The following DLGAP2 variants were observed in gnomAD, a reference collection of about 807,000 sequenced individuals.
DLGAP2 encodes disks large-associated protein 2.
Under a neutral mutation model 100.3 loss-of-function variants are expected in DLGAP2, and 26 were observed. The observed-to-expected ratio is 0.26, with a 90% CI of 0.19 to 0.36. The LOEUF (loss-of-function observed/expected upper bound fraction) is 0.36, where lower values mean the gene tolerates loss of function less well. Among genes scored for constraint, DLGAP2 ranks in the 10% least tolerant of loss-of-function variants. The pLI, the probability that DLGAP2 is intolerant of heterozygous loss-of-function variation, is 1.00. For synonymous variants in DLGAP2, 886 were observed against 630.1 expected, an observed-to-expected ratio of 1.41 and a Z score of -6.08; for missense variants, 1,858 against 1,453.2, an observed-to-expected ratio of 1.28 and a Z score of -4.53.
In DLGAP2 at chr8:953,182, A is replaced by C. The variant is rs866385011; in HGVS notation, c.73+45216A>C. Among the ~76,000 whole-genome samples, 4 of 152,166 alleles carry C rather than the reference A, an allele frequency of 2.6e-5. No homozygotes were observed. The South Asian group carries it at 8.3e-4, about 32-fold the overall frequency. On this transcript the variant is annotated intron_variant, in intron 2 of 14. Transcript: ENST00000637795. ...TTAAATACAGATATTCGAAATTTCT[A>C]TGTTTCTTTTTTTTCTTTTTTCTTT...
chr8:1,559,048 T>G (rs1436984679), intron 5 of DLGAP2, among the ~76,000 whole-genome samples: 1 of 152,218 alleles, frequency 6.6e-6, no homozygotes, highest in Non-Finnish European at 1.5e-5. Context: ...AGAAAAGATA[T>G]TCCAGTTTGT....
At chr8:1,544,841 T>C (rs1801480802) in intron 4 of DLGAP2, among the ~76,000 whole-genome samples, 1 of 152,030 alleles carries the variant, frequency 6.6e-6, no homozygotes, top group African/African-American at 2.4e-5. Flanking sequence ...CAAGCGATTC[T>C]CCTGCATCAG....
At chr8:941,252 A>G (rs1158703415) in intron 2 of DLGAP2, among the ~76,000 whole-genome samples, 4 of 152,046 alleles carry the variant, frequency 2.6e-5, no homozygotes, top group African/African-American at 9.7e-5. Flanking sequence ...GTCTGGTTTT[A>G]GCATAGACTG....
intron 2 of DLGAP2, among the ~76,000 whole-genome samples, chr8:1,003,975 A>G (rs951408833): frequency 9.9e-5 from 15 of 152,272 alleles, no homozygotes; most frequent in Admixed American, 7.9e-4. Context: ...AGTGCCAGGA[A>G]TATATTTATT....
intron 3 of DLGAP2, chr8:1,380,997 A>G (rs1382844498): frequency 6.7e-6 from 1 of 149,874 alleles, no homozygotes; most frequent in Non-Finnish European, 1.5e-5. Context: ...GTTATTCTTT[A>G]CATTTGATAT....
At chr8:1,633,845 C>T (rs1398239629) in intron 8 of DLGAP2, among the ~76,000 whole-genome samples, 2 of 152,068 alleles carry the variant, frequency 1.3e-5, no homozygotes, top group Non-Finnish European at 2.9e-5. Flanking sequence ...AAGGACAGCT[C>T]CGAGGGGAAA....
intron 2 of DLGAP2, among the ~76,000 whole-genome samples, chr8:1,066,724 AC>A (rs1227315846): frequency 2.6e-5 from 4 of 152,208 alleles, no homozygotes; most frequent in African/African-American, 9.6e-5. Flanking sequence ...CTCCACCACG[AC>A]TGGCCTGTCT....
At chr8:1,482,718 T>C (rs1385349772) in intron 3 of DLGAP2, among the ~76,000 whole-genome samples, 3 of 152,194 alleles carry the variant, frequency 2.0e-5, no homozygotes, top group Non-Finnish European at 4.4e-5. Context: ...TGGGATGCGC[T>C]TCCTTCCACA....
At chr8:831,573 C>G (rs1161664155) in intron 1 of DLGAP2, among the ~76,000 whole-genome samples, 1 of 152,148 alleles carries the variant, frequency 6.6e-6, no homozygotes, top group Non-Finnish European at 1.5e-5. Context: ...GCATAATATT[C>G]CATGGTGTAT....
intron 2 of DLGAP2, among the ~76,000 whole-genome samples, chr8:1,029,512 G>A (rs749464683): frequency 8.6e-5 from 13 of 152,036 alleles, no homozygotes; most frequent in African/African-American, 2.2e-4. Context: ...GGCGTCCAGC[G>A]GTGCCGAGAG....
intron 3 of DLGAP2, among the ~76,000 whole-genome samples, chr8:1,390,312 G>C (rs536215992): frequency 6.6e-6 from 1 of 152,140 alleles, no homozygotes; most frequent in Non-Finnish European, 1.5e-5. Context: ...TGGTGTGCTT[G>C]TATCTTTACA....
intron 1 of DLGAP2, among the ~76,000 whole-genome samples, chr8:820,359 T>G (rs1047757283): frequency 2.4e-4 from 36 of 152,236 alleles, no homozygotes; most frequent in Non-Finnish European, 8.8e-5. Flanking sequence ...CACATGCATA[T>G]GAAACCCTTC....
chr8:1,538,283 C>T (rs1309290928), intron 4 of DLGAP2, among the ~76,000 whole-genome samples: 1 of 152,174 alleles, frequency 6.6e-6, no homozygotes, highest in Non-Finnish European at 1.5e-5. Context: ...ATAGTGTGTT[C>T]AAAAGTTATT....
chr8:1,053,200 G>A (rs1222614123), intron 2 of DLGAP2, among the ~76,000 whole-genome samples: 5 of 152,162 alleles, frequency 3.3e-5, no homozygotes, highest in East Asian at 3.8e-4. Context: ...TGGTGGAGTC[G>A]CATCCATCAG....
At chr8:1,544,340 TC>T (rs1351028928) in intron 4 of DLGAP2, among the ~76,000 whole-genome samples, 1 of 152,224 alleles carries the variant, frequency 6.6e-6, no homozygotes, top group Non-Finnish European at 1.5e-5. Flanking sequence ...TTTATTTTGC[TC>T]CTGTAACCTG....
At chr8:1,076,377 G>A (rs573937260) in intron 2 of DLGAP2, among the ~76,000 whole-genome samples, 17 of 152,340 alleles carry the variant, frequency 1.1e-4, no homozygotes, top group South Asian at 1.0e-3. Context: ...GCAGCTCCCC[G>A]TCTCCGAGCC....
At chr8:1,072,249 G>C (rs1188843595) in intron 2 of DLGAP2, among the ~76,000 whole-genome samples, 2 of 152,118 alleles carry the variant, frequency 1.3e-5, no homozygotes, top group Non-Finnish European at 2.9e-5. Flanking sequence ...TCAGATGCAG[G>C]GCACTCTCTC....
At chr8:1,688,356 C>G (rs1008653586) in intron 12 of DLGAP2, 1 of 152,262 alleles carries the variant, frequency 6.6e-6, no homozygotes, top group Admixed American at 6.5e-5. Flanking sequence ...AACCTTCCAT[C>G]CTTCTTTTCA....
At chr8:959,410 C>T (rs1027111516) in intron 2 of DLGAP2, among the ~76,000 whole-genome samples, 1 of 152,230 alleles carries the variant, frequency 6.6e-6, no homozygotes, top group Non-Finnish European at 1.5e-5. Context: ...AGAAACGCCA[C>T]TGCAGTCACG....
Sources: gnomAD v4.1 joint callset for allele counts (sites outside exome capture counted in the v4.1 genomes callset) on GRCh38, gnomAD v4.1.1 for gene constraint, MANE v1.5 for transcripts, NCBI Gene and HGNC (gene_info 2026-07-23, HGNC 2026-07-21) for gene names.